PLXDC2: variants seen among roughly 807,000 people sequenced by gnomAD.
The protein encoded by PLXDC2 is plexin domain-containing protein 2.
A neutral mutation model predicts 68.9 loss-of-function variants in PLXDC2; 40 were observed. The observed-to-expected ratio is 0.58, with a 90% CI of 0.45 to 0.76. The LOEUF (loss-of-function observed/expected upper bound fraction) is 0.76, where lower values mean the gene tolerates loss of function less well. Ranked by LOEUF, PLXDC2 falls within the 30% of genes least tolerant of loss-of-function variation. The probability of loss-of-function intolerance (pLI) is 0.00; values close to 1 mark genes in which losing one functional copy is unlikely to be tolerated. For missense variants in PLXDC2, 644 were observed against 661.9 expected (o/e 0.97, Z 0.30); for synonymous variants, 243 against 234.2 (o/e 1.04, Z -0.34).
intron 3 of PLXDC2, among the ~76,000 whole-genome samples, chr10:20,066,485 A>G (rs1296628633): frequency 6.6e-6 from 1 of 152,240 alleles, no homozygotes; most frequent in Non-Finnish European, 1.5e-5. Context: ...AAAACAATAT[A>G]ATAAGCAAGT....
intron 12 of PLXDC2, among the ~76,000 whole-genome samples, chr10:20,226,264 T>C (rs1835286067): frequency 6.6e-6 from 1 of 152,180 alleles, no homozygotes; most frequent in South Asian, 2.1e-4. Context: ...CTCATGTTAA[T>C]ATAGTAAGTG....
chr10:20,196,659 C>G (rs1384685511), intron 9 of PLXDC2, among the ~76,000 whole-genome samples: 1 of 152,120 alleles, frequency 6.6e-6, no homozygotes, highest in African/African-American at 2.4e-5. Flanking sequence ...TTCTAAAGTT[C>G]ATGTTCCTTC....
At chr10:20,258,733 T>G (rs1835773814) in intron 13 of PLXDC2, among the ~76,000 whole-genome samples, 3 of 151,968 alleles carry the variant, frequency 2.0e-5, no homozygotes, top group African/African-American at 7.2e-5. Context: ...TCTGGCCGGG[T>G]GCGGTGGCTC....
chr10:20,282,548 A>G lies in PLXDC2; in HGVS notation c.*2729A>G, dbSNP rs1439583601. 1 of 152,206 alleles carries G rather than the reference A, an allele frequency of 6.6e-6. No individual in the cohort carries two copies. The highest frequency in any genetic ancestry group is 1.9e-4 in the East Asian group (1 of 5,194). The allele number at this position is 152,206 out of a possible 1,614,324, so 9.4% of individuals were successfully genotyped here. A position where few individuals can be genotyped will look rare whatever the true frequency, so the allele number is the denominator to read the frequency against. On this transcript the variant is annotated 3_prime_UTR_variant, in exon 14 of 14. Coordinates refer to ENST00000377252, the MANE Select transcript of PLXDC2 (RefSeq NM_032812.9). ...AGCTTAATTATTTGTAAAAATAATA[A>G]TCAGTGACTAGGTAAAGATACTGAA...
In PLXDC2 at chr10:20,164,903, C is replaced by T. The variant is rs537715166; in HGVS notation, c.883+336C>T. Among the ~76,000 whole-genome samples, 7 of 152,242 alleles carry T rather than the reference C, an allele frequency of 4.6e-5. No homozygotes were observed. The South Asian group carries it at 1.2e-3, about 27-fold the overall frequency. ...CACTCACAGCTCACTGCAACCTTGA[C>T]CTCCCAGGCTCAAATGATCCTCCTA... On this transcript the variant is annotated intron_variant, in intron 7 of 13. Transcript: ENST00000377252.
At chr10:19,903,491 T>A (rs1302133129) in intron 1 of PLXDC2, among the ~76,000 whole-genome samples, 1 of 152,078 alleles carries the variant, frequency 6.6e-6, no homozygotes. Flanking sequence ...CCTTGAATAA[T>A]CTTTTGTATT....
chr10:19,850,665 T>C (rs770817248), intron 1 of PLXDC2, among the ~76,000 whole-genome samples: 1 of 152,198 alleles, frequency 6.6e-6, no homozygotes, highest in Non-Finnish European at 1.5e-5. Context: ...TTAAATTCTT[T>C]ATAAGCGCCA....
At chr10:20,090,290 G>A (rs1833259084) in intron 4 of PLXDC2, among the ~76,000 whole-genome samples, 1 of 152,118 alleles carries the variant, frequency 6.6e-6, no homozygotes, top group Admixed American at 6.6e-5. Context: ...TCAAGTAACA[G>A]CAACTCTTTC....
At chr10:20,128,289 A>C (rs1046277033) in intron 4 of PLXDC2, among the ~76,000 whole-genome samples, 16 of 152,170 alleles carry the variant, frequency 1.1e-4, no homozygotes, top group Non-Finnish European at 1.5e-5. Flanking sequence ...TAAATAATTC[A>C]AAGCAACTCT....
intron 1 of PLXDC2, among the ~76,000 whole-genome samples, chr10:19,873,495 C>T (rs1398897780): frequency 6.7e-6 from 1 of 148,996 alleles, no homozygotes; most frequent in Non-Finnish European, 1.5e-5. Context: ...AATGCAGCCT[C>T]AAACTCCTGG....
At chr10:20,060,344 T>G (rs906220510) in intron 3 of PLXDC2, among the ~76,000 whole-genome samples, 23 of 152,182 alleles carry the variant, frequency 1.5e-4, no homozygotes, top group African/African-American at 5.1e-4. Context: ...ATAAGCAAAG[T>G]TATTTCAGTT....
chr10:20,167,955 C>A (rs868095770), intron 7 of PLXDC2, among the ~76,000 whole-genome samples: 1 of 151,946 alleles, frequency 6.6e-6, no homozygotes, highest in African/African-American at 2.4e-5. Context: ...TTTTGAAGAC[C>A]CCCAAATAGT....
intron 9 of PLXDC2, among the ~76,000 whole-genome samples, chr10:20,184,197 C>T (rs1389402993): frequency 6.6e-6 from 1 of 151,588 alleles, no homozygotes; most frequent in East Asian, 1.9e-4. Flanking sequence ...CCTGAGTGTA[C>T]TCTGGAACTG....
chr10:20,191,649 A>C (rs1203726627), intron 9 of PLXDC2, among the ~76,000 whole-genome samples: 1 of 139,088 alleles, frequency 7.2e-6, no homozygotes, highest in Admixed American at 7.3e-5. Context: ...ATGTGTTCTC[A>C]TTGTTGTGGG....
At chr10:20,169,479 G>T (rs946718351) in intron 7 of PLXDC2, among the ~76,000 whole-genome samples, 14 of 152,078 alleles carry the variant, frequency 9.2e-5, no homozygotes, top group Non-Finnish European at 1.5e-4. Flanking sequence ...CTCAGCCTCA[G>T]CTTATGTCCT....
At chr10:19,822,050 T>C (rs765268492) in intron 1 of PLXDC2, among the ~76,000 whole-genome samples, 4 of 151,986 alleles carry the variant, frequency 2.6e-5, no homozygotes, top group Non-Finnish European at 5.9e-5. Flanking sequence ...TTATTTTACT[T>C]AGCACAATGT....
chr10:20,128,732 A>G (rs1341279713), intron 4 of PLXDC2, among the ~76,000 whole-genome samples: 1 of 152,196 alleles, frequency 6.6e-6, no homozygotes, highest in African/African-American at 2.4e-5. Flanking sequence ...TTGATTCTAC[A>G]TATAGTATTT....
At chr10:20,082,644 G>T (rs528515547) in intron 4 of PLXDC2, among the ~76,000 whole-genome samples, 8 of 152,188 alleles carry the variant, frequency 5.3e-5, no homozygotes, top group African/African-American at 1.7e-4. Context: ...ACAATGTATC[G>T]TTATCCACTA....
chr10:19,922,583 T>C (rs967081294), intron 1 of PLXDC2, among the ~76,000 whole-genome samples: 1 of 152,144 alleles, frequency 6.6e-6, no homozygotes, highest in African/African-American at 2.4e-5. Flanking sequence ...ACTGTGTGTG[T>C]TTTCACTCAG....
Sources: gnomAD v4.1 joint callset for allele counts (sites outside exome capture counted in the v4.1 genomes callset) on GRCh38, gnomAD v4.1.1 for gene constraint, MANE v1.5 for transcripts, NCBI Gene and HGNC (gene_info 2026-07-23, HGNC 2026-07-21) for gene names.